The following MAGEL2 variants were observed in gnomAD, a reference collection of about 807,000 sequenced individuals.
MAGEL2 encodes MAGE-like protein 2.
For synonymous variants in MAGEL2, 792 were observed against 721.7 expected, an observed-to-expected ratio of 1.10 and a Z score of -1.56; for missense variants, 1,830 against 1,699.2, an observed-to-expected ratio of 1.08 and a Z score of -1.35.
rs758805784 is a variant in MAGEL2, at chr15:23,647,699, G to A, written c.44C>T (p.Ala15Val). The change falls in exon 1 of 1, where the codon GCG (alanine) becomes GTG (valine). Residue 15 changes from alanine (A) to valine (V), a missense_variant. Coordinates refer to ENST00000650528, the MANE Select transcript of MAGEL2 (RefSeq NM_019066.5). The stretch of plus-strand genomic sequence containing the variant: ...ATAGACAGGCGGCTTCGGGGCCTCC[G>A]CCGGAGGACTCGAGTCACCCAGATT... ...SKNLGDSSPP[A>V]EAPKPPVYSR... 2.6e-4 allele frequency: 382 copies of A among 1,490,138 alleles called. No homozygotes were observed. Among genetic ancestry groups the A allele is most frequent in the Middle Eastern group, 1.9e-4 (1 of 5,360 alleles). 92.3% of individuals were successfully genotyped at this position (1,490,138 alleles called of 1,614,324 possible).
In MAGEL2 at chr15:23,646,504, G is replaced by A. The variant is rs1160831265; in HGVS notation, c.1239C>T (p.Pro413=). The A allele has an allele frequency of 1.4e-6, 2 of 1,457,410 alleles. No individual in the cohort carries two copies. The highest frequency in any genetic ancestry group is 1.8e-6 in the Non-Finnish European group (2 of 1,112,810). The allele number at this position is 1,457,410 out of a possible 1,614,324, so 90.3% of individuals were successfully genotyped here. The change falls in exon 1 of 1, where the codon CCC becomes CCT. Residue 413 remains proline (P), a synonymous_variant. Coordinates refer to ENST00000650528, the MANE Select transcript of MAGEL2 (RefSeq NM_019066.5). The surrounding 1 kb of genome is among the most constrained non-coding windows in gnomAD (Gnocchi z 4.2). ...WQVPPPMRQG[P]PPIRPGPPPI... Reference sequence around the variant, plus strand: ...GTGGTGGGCCAGGGCGGATGGGCGGGGGCCCCTGGCGCATGGGCGGCGGCA... The same window carrying A: ...GTGGTGGGCCAGGGCGGATGGGCGGAGGCCCCTGGCGCATGGGCGGCGGCA...
rs1382076692 is a variant in MAGEL2, at chr15:23,644,066, T to G, written c.3677A>C (p.Glu1226Ala). ...GTCAGGTTCATCCTCATCTGTGTCT[T>G]CCCACTCACACTCTGCGAGCGCTTC... ...YLEALAECEW[E>A]DTDEDEPDTG... The change falls in exon 1 of 1, where the codon GAA (glutamate) becomes GCA (alanine). Residue 1226 changes from glutamate to alanine, a missense_variant. Physicochemically the swap from Glu to Ala is moderately radical, Grantham distance 107. Transcript: ENST00000650528. The G allele has an allele frequency of 6.2e-7, 1 of 1,613,678 alleles. No individual in the cohort carries two copies. Among genetic ancestry groups the G allele is most frequent in the Non-Finnish European group, 8.5e-7 (1 of 1,179,822 alleles).
At position 23,643,724 on chromosome 15, in the gene MAGEL2, A is replaced by T. The variant is rs1324743765; in HGVS notation, c.*269T>A. 1.1e-5 allele frequency: 4 copies of T among 376,494 alleles called. No homozygotes were observed. The highest frequency in any genetic ancestry group is 8.1e-5 in the East Asian group (2 of 24,592). The allele number at this position is 376,494 out of a possible 1,614,324, so 23.3% of individuals were successfully genotyped here. A position where few individuals can be genotyped will look rare whatever the true frequency, so the allele number is the denominator to read the frequency against. ...ATTTCACAAAGCCAGCACAAAGCTG[A>T]TACCAAAACATAACAATTAAAACAC... On this transcript the variant is annotated 3_prime_UTR_variant, in exon 1 of 1. Coordinates refer to ENST00000650528, the MANE Select transcript of MAGEL2 (RefSeq NM_019066.5).
In MAGEL2 at chr15:23,646,270, CGGCGGGGCCTGGCGGATCACA is replaced by C; in HGVS notation, c.1452_1472del (p.Val485_Pro491del). The C allele has an allele frequency of 7.4e-7, 1 of 1,359,390 alleles. No individual in the cohort carries two copies. Among genetic ancestry groups the C allele is most frequent in the Non-Finnish European group, 9.4e-7 (1 of 1,066,660 alleles). The allele number at this position is 1,359,390 out of a possible 1,614,324, so 84.2% of individuals were successfully genotyped here. On this transcript the variant is annotated inframe_deletion, in exon 1 of 1. Coordinates refer to ENST00000650528, the MANE Select transcript of MAGEL2 (RefSeq NM_019066.5). This position sits in a 1 kb window ranked among gnomAD's most constrained non-coding sequence, Gnocchi z 4.2. ...TGGGCGGCGGCGCCTGGCGGATCAG[CGGCGGGGCCTGGCGGATCACA>C]GGTGGAGCCTGGCGGATCACAGGTG...
Position 23,644,866 on chromosome 15 carries a change from T to C in MAGEL2, c.2877A>G (p.Glu959=). The C allele has an allele frequency of 6.2e-7, 1 of 1,612,412 alleles. No homozygotes were observed. Among genetic ancestry groups the C allele is most frequent in the Non-Finnish European group, 8.5e-7 (1 of 1,179,768 alleles). The part of the protein sequence containing the change: ...PSTSRILSGW[E]GPSASWALSA... ...TCAGGGCCCAGGATGCGCTGGGCCCTTCCCAGCCACTCAGGATCCTGGAGG... is the reference window on the plus strand; with the variant it reads ...TCAGGGCCCAGGATGCGCTGGGCCCCTCCCAGCCACTCAGGATCCTGGAGG... Residue 959 remains glutamate, a synonymous_variant, in exon 1 of 1, where the codon GAA becomes GAG. Coordinates refer to ENST00000650528, the MANE Select transcript of MAGEL2 (RefSeq NM_019066.5).
Position 23,646,229 on chromosome 15 carries a change from T to C in MAGEL2, c.1514A>G (p.Gln505Arg). The part of the protein sequence containing the change: ...QAPPPIRPAP[Q>R]VLATQPPLWQ... ...GAGCGGTGGCTGGGTGGCCAGGACC[T>C]GTGGGGCAGGTCGGATGGGCGGCGG... The change falls in exon 1 of 1, where the codon CAG (glutamine) becomes CGG (arginine). Residue 505 changes from glutamine (Q) to arginine (R), a missense_variant. By Grantham distance (43) the Gln-to-Arg change is conservative. Coordinates refer to ENST00000650528, the MANE Select transcript of MAGEL2 (RefSeq NM_019066.5). The surrounding 1 kb of genome is among the most constrained non-coding windows in gnomAD (Gnocchi z 4.2). 7.4e-7 allele frequency: 1 copy of C among 1,348,768 alleles called. No homozygotes were observed. The allele number at this position is 1,348,768 out of a possible 1,614,324, so 83.6% of individuals were successfully genotyped here. A position where few individuals can be genotyped will look rare whatever the true frequency, so the allele number is the denominator to read the frequency against.
rs1479655208 is a variant in MAGEL2 at position 23,644,560 on chromosome 15, G to T, written c.3183C>A (p.Ile1061=). The part of the protein sequence containing the change: ...LREYKDECLD[I]INRANNKLEC... ...CCAGCTTATTGTTGGCACGGTTGAT[G>T]ATATCTAAGCACTCATCTTTATACT... The change falls in exon 1 of 1, where the codon ATC becomes ATA. Residue 1061 remains isoleucine (I), a synonymous_variant. Coordinates refer to ENST00000650528, the MANE Select transcript of MAGEL2 (RefSeq NM_019066.5). 1.9e-6 allele frequency: 3 copies of T among 1,613,798 alleles called. No homozygotes were observed. In the East Asian group the frequency reaches 6.7e-5, roughly 36 times the overall value.
chr15:23,647,164 G>A lies in MAGEL2; in HGVS notation c.579C>T (p.Pro193=), dbSNP rs113984257. 1.2e-4 allele frequency: 190 copies of A among 1,521,624 alleles called. No individual in the cohort carries two copies. In the African/African-American group the frequency reaches 2.2e-3, roughly 17 times the overall value. 94.3% of individuals were successfully genotyped at this position (1,521,624 alleles called of 1,614,324 possible). ...PPPGTPMAHP[P]PPGTPMAHPP... is the part of the protein sequence containing the mutation. ...GATGAGCCATCGGTGTCCCCGGAGG[G>A]GGAGGATGAGCCATCGGGGTCCCCG... The change falls in exon 1 of 1, where the codon CCC becomes CCT. Residue 193 remains proline (P), a synonymous_variant. Coordinates refer to ENST00000650528, the MANE Select transcript of MAGEL2 (RefSeq NM_019066.5).
chr15:23,644,147 C>T lies in MAGEL2; in HGVS notation c.3596G>A (p.Arg1199Lys). 6.2e-7 allele frequency: 1 copy of T among 1,613,948 alleles called. No homozygotes were observed. The highest frequency in any genetic ancestry group is 8.5e-7 in the Non-Finnish European group (1 of 1,179,886). ...TTTCTTATGGAGCTTGGCCAAAAAC[C>T]TCAGGACAAGCATCTTGCTGGTTTC... ...FLETSKMLVL[R>K]FLAKLHKKDP... Residue 1199 changes from arginine to lysine, a missense_variant, in exon 1 of 1, where the codon AGG becomes AAG. Physicochemically the swap from Arg to Lys is conservative, Grantham distance 26. Coordinates refer to ENST00000650528, the MANE Select transcript of MAGEL2 (RefSeq NM_019066.5).
At position 23,644,617 on chromosome 15, in the gene MAGEL2, C is replaced by G. The variant is rs778013247; in HGVS notation, c.3126G>C (p.Gln1042His). ...GGATGACTTTCACCATCTCCGAGCG[C>G]TGGACAGGCACCTTGGCTTGGTCCT... The part of the protein sequence containing the change: ...LVKDQAKVPV[Q>H]RSEMVKVILR... Residue 1042 changes from glutamine (Q) to histidine (H), a missense_variant, in exon 1 of 1, where the codon CAG becomes CAC. Physicochemically the swap from Gln to His is conservative, Grantham distance 24 (BLOSUM62 0). Transcript: ENST00000650528. 2.5e-6 allele frequency: 4 copies of G among 1,613,828 alleles called. No individual in the cohort carries two copies. In the East Asian group the frequency reaches 6.7e-5, roughly 27 times the overall value.
In MAGEL2 at chr15:23,647,765, G is replaced by A. The variant is rs1261088247; in HGVS notation, c.-23C>T. On this transcript the variant is annotated 5_prime_UTR_variant, in exon 1 of 1. Coordinates refer to ENST00000650528, the MANE Select transcript of MAGEL2 (RefSeq NM_019066.5). The stretch of plus-strand genomic sequence containing the variant: ...CATGTCCCTTTGCTGACAGCTGGTG[G>A]GTCTTTTCCTCGGACAGCTGCTGGG... 4.0e-5 allele frequency: 58 copies of A among 1,435,698 alleles called. No individual in the cohort carries two copies. The highest frequency in any genetic ancestry group is 5.1e-5 in the Non-Finnish European group (56 of 1,099,896). The allele number at this position is 1,435,698 out of a possible 1,614,324, so 88.9% of individuals were successfully genotyped here. A position where few individuals can be genotyped will look rare whatever the true frequency, so the allele number is the denominator to read the frequency against.
In MAGEL2 at chr15:23,646,746, C is replaced by G. The variant is rs1320813195; in HGVS notation, c.997G>C (p.Ala333Pro). 2.6e-6 allele frequency: 4 copies of G among 1,534,480 alleles called. No individual in the cohort carries two copies. Among genetic ancestry groups the G allele is most frequent in the Non-Finnish European group, 3.5e-6 (4 of 1,146,004 alleles). The part of the protein sequence containing the change: ...AQPMASWAPQ[A>P]QPLILQIQSQ... ...TGGATTTGCAGGATCAGAGGCTGAGCCTGCGGGGCCCAAGAAGCCATCGGC... is the reference window on the plus strand; with the variant it reads ...TGGATTTGCAGGATCAGAGGCTGAGGCTGCGGGGCCCAAGAAGCCATCGGC... The change falls in exon 1 of 1, where the codon GCT (alanine) becomes CCT (proline). Residue 333 changes from alanine (A) to proline (P), a missense_variant. Ala to Pro is a conservative substitution (Grantham distance 27, BLOSUM62 -1). Transcript: ENST00000650528. This position sits in a 1 kb window ranked among gnomAD's most constrained non-coding sequence, Gnocchi z 4.2.
rs1384401404 is a variant in MAGEL2 at position 23,645,510 on chromosome 15, G to A, written c.2233C>T (p.Pro745Ser). The change falls in exon 1 of 1, where the codon CCT (proline) becomes TCT (serine). Residue 745 changes from proline (P) to serine (S), a missense_variant. Physicochemically the swap from Pro to Ser is moderately conservative, Grantham distance 74. Coordinates refer to ENST00000650528, the MANE Select transcript of MAGEL2 (RefSeq NM_019066.5). The stretch of plus-strand genomic sequence containing the variant: ...GCAAAGATCATGCGGTCTTTTGAAG[G>A]GGCCCTGCGCTCCTTCGAGGAGGTC... Reference protein sequence around the residue: ...RRTSSKERRAPSKDRMIFAAT... With the variant: ...RRTSSKERRASSKDRMIFAAT... 2 of 1,613,948 alleles carry A rather than the reference G, an allele frequency of 1.2e-6. No individual in the cohort carries two copies. Among genetic ancestry groups the A allele is most frequent in the Admixed American group, 1.7e-5 (1 of 60,026 alleles).
In MAGEL2 at chr15:23,645,983, C is replaced by G. The variant is rs1455976464; in HGVS notation, c.1760G>C (p.Trp587Ser). Reference protein sequence around the residue: ...PQAVHCPSIIWQAPKGQPPVP... With the variant: ...PQAVHCPSIISQAPKGQPPVP... ...CGGGGGCTGACCTTTGGGGGCCTGC[C>G]AGATGATGGAAGGGCAGTGCACAGC... The change falls in exon 1 of 1, where the codon TGG becomes TCG. Residue 587 changes from tryptophan (W) to serine (S), a missense_variant. Physicochemically the swap from Trp to Ser is radical, Grantham distance 177. Transcript: ENST00000650528. The G allele has an allele frequency of 6.4e-7, 1 of 1,557,880 alleles. No homozygotes were observed. The highest frequency in any genetic ancestry group is 1.4e-5 in the African/African-American group (1 of 73,476).
rs780253061 is a variant in MAGEL2, at chr15:23,644,883, T to A, written c.2860A>T (p.Ile954Phe). 1 of 1,612,488 alleles carries A rather than the reference T, an allele frequency of 6.2e-7. No individual in the cohort carries two copies. The highest frequency in any genetic ancestry group is 8.5e-7 in the Non-Finnish European group (1 of 1,179,776). Reference protein sequence around the residue: ...SGWEGPSTSRILSGWEGPSAS... With the variant: ...SGWEGPSTSRFLSGWEGPSAS... The stretch of plus-strand genomic sequence containing the variant: ...CTGGGCCCTTCCCAGCCACTCAGGA[T>A]CCTGGAGGTGCTAGGGCCCTCCCAA... The change falls in exon 1 of 1, where the codon ATC becomes TTC. Residue 954 changes from isoleucine (I) to phenylalanine (F), a missense_variant. Ile to Phe is a conservative substitution (Grantham distance 21, BLOSUM62 0). Transcript: ENST00000650528.
Position 23,646,837 on chromosome 15 carries a change from T to C in MAGEL2, c.906A>G (p.Pro302=), listed in dbSNP as rs1442791907. 2 of 1,536,312 alleles carry C rather than the reference T, an allele frequency of 1.3e-6. No homozygotes were observed. Among genetic ancestry groups the C allele is most frequent in the Non-Finnish European group, 1.7e-6 (2 of 1,146,842 alleles). The part of the protein sequence containing the change: ...PGARAPMTQP[P]ASGAPMAQPA... ...GCTGTGCCATCGGTGCTCCTGAAGC[T>C]GGAGGCTGGGTCATCGGAGCTCTCG... Residue 302 remains proline, a synonymous_variant, in exon 1 of 1, where the codon CCA becomes CCG. Coordinates refer to ENST00000650528, the MANE Select transcript of MAGEL2 (RefSeq NM_019066.5). The surrounding 1 kb of genome is among the most constrained non-coding windows in gnomAD (Gnocchi z 4.2).
rs1299701259 is a variant in MAGEL2, at chr15:23,647,150, G to T, written c.593C>A (p.Pro198Gln). Residue 198 changes from proline (P) to glutamine (Q), a missense_variant, in exon 1 of 1, where the codon CCG (proline) becomes CAG (glutamine). Transcript: ENST00000650528. ...CCCCGGAGGGGGAGGATGAGCCATCGGTGTCCCCGGAGGGGGAGGATGAGC... is the reference window on the plus strand; with the variant it reads ...CCCCGGAGGGGGAGGATGAGCCATCTGTGTCCCCGGAGGGGGAGGATGAGC... ...PMAHPPPPGT[P>Q]MAHPPPPGTP... 2 of 1,526,502 alleles carry T rather than the reference G, an allele frequency of 1.3e-6. No homozygotes were observed. The highest frequency in any genetic ancestry group is 4.9e-5 in the East Asian group (2 of 40,816). The allele number at this position is 1,526,502 out of a possible 1,614,324, so 94.6% of individuals were successfully genotyped here.
At position 23,646,627 on chromosome 15, in the gene MAGEL2, C is replaced by T. The variant is rs920184994; in HGVS notation, c.1116G>A (p.Ser372=). 4.7e-6 allele frequency: 7 copies of T among 1,476,698 alleles called. No homozygotes were observed. The African/African-American group carries it at 8.4e-5, about 18-fold the overall frequency. 91.5% of individuals were successfully genotyped at this position (1,476,698 alleles called of 1,614,324 possible). ...LATPPGWQAT[S]PGWQATQQGW... is the part of the protein sequence containing the mutation. Reference sequence around the variant, plus strand: ...CTTGCTGCGTGGCCTGCCATCCTGGCGAGGTCGCCTGCCAGCCCGGGGGTG... The same window carrying T: ...CTTGCTGCGTGGCCTGCCATCCTGGTGAGGTCGCCTGCCAGCCCGGGGGTG... Residue 372 remains serine, a synonymous_variant, in exon 1 of 1, where the codon TCG becomes TCA. Transcript: ENST00000650528. The surrounding 1 kb of genome is among the most constrained non-coding windows in gnomAD (Gnocchi z 4.2).
Position 23,645,486 on chromosome 15 carries a change from C to A in MAGEL2, c.2257G>T (p.Ala753Ser). Reference protein sequence around the residue: ...RAPSKDRMIFAATFCAPKAVS... With the variant: ...RAPSKDRMIFSATFCAPKAVS... ...GCCTTGGGAGCACAGAAGGTGGCAG[C>A]AAAGATCATGCGGTCTTTTGAAGGG... The change falls in exon 1 of 1, where the codon GCT (alanine) becomes TCT (serine). Residue 753 changes from alanine to serine, a missense_variant. By Grantham distance (99) the Ala-to-Ser change is moderately conservative (BLOSUM62 1). Coordinates refer to ENST00000650528, the MANE Select transcript of MAGEL2 (RefSeq NM_019066.5). The A allele has an allele frequency of 6.2e-7, 1 of 1,613,948 alleles. No homozygotes were observed. The highest frequency in any genetic ancestry group is 8.5e-7 in the Non-Finnish European group (1 of 1,179,882).
Sources: gnomAD v4.1 joint callset for allele counts on GRCh38, gnomAD v4.1.1 for gene constraint, Gnocchi (gnomAD v3.1) non-coding constraint, MANE v1.5 for transcripts, NCBI Gene and HGNC (gene_info 2026-07-23, HGNC 2026-07-21) for gene names.